RORA: variants seen among roughly 807,000 people sequenced by gnomAD.
RORA encodes nuclear receptor ROR-alpha.
RORA carries 7 observed loss-of-function variants against 69.5 expected under a neutral mutation model. The ratio of observed to expected loss-of-function variants is 0.10; its 90% CI spans 0.06 to 0.19. The LOEUF (loss-of-function observed/expected upper bound fraction) is 0.19. RORA is among the 10% of genes least tolerant of loss of function. The pLI is 1.00. For missense variants in RORA, 457 were observed against 663.0 expected (o/e 0.69, Z 3.41); for synonymous variants, 261 against 240.8 (o/e 1.08, Z -0.78).
chr15:60,936,098 A>T (rs913113459), intron 1 of RORA, among the ~76,000 whole-genome samples: 4 of 152,184 alleles, frequency 2.6e-5, no homozygotes, highest in Non-Finnish European at 5.9e-5. Context: ...CTGCATAGTA[A>T]CGAAACCATC....
chr15:61,019,529 T>C (rs1258581592), intron 1 of RORA, among the ~76,000 whole-genome samples: 1 of 152,154 alleles, frequency 6.6e-6, no homozygotes, highest in Non-Finnish European at 1.5e-5. Context: ...GTCTTCGTGC[T>C]AAATAGTTTG....
chr15:61,175,306 C>A (rs1055636396), intron 1 of RORA, among the ~76,000 whole-genome samples: 3 of 152,090 alleles, frequency 2.0e-5, no homozygotes, highest in African/African-American at 7.2e-5. Flanking sequence ...CCAGCCCAGT[C>A]CTCAATGAGC....
chr15:60,658,673 A>AT (rs1726126565), intron 2 of RORA, among the ~76,000 whole-genome samples: 1 of 152,220 alleles, frequency 6.6e-6, no homozygotes, highest in Non-Finnish European at 1.5e-5. Context: ...TATTTAATAA[A>AT]TGCCAACCCA....
intron 1 of RORA, among the ~76,000 whole-genome samples, chr15:60,830,073 G>A (rs2073021838): frequency 6.6e-6 from 1 of 152,194 alleles, no homozygotes; most frequent in Admixed American, 6.5e-5. Flanking sequence ...AAGGTGAGGA[G>A]TCATACCATT....
intron 1 of RORA, among the ~76,000 whole-genome samples, chr15:61,023,187 CA>C (rs35185635): frequency 0.098 from 7,347 of 74,992 alleles, 131 homozygotes; most frequent in East Asian, 0.22. Context: ...GACTCTGCCT[CA>C]AAAAAAAAAA....
rs1895022098 is a variant in RORA at position 61,009,439 on chromosome 15, G to C, written c.166+219614C>G. On this transcript the variant is annotated intron_variant, in intron 1 of 10. Coordinates refer to ENST00000335670, the MANE Select transcript of RORA (RefSeq NM_134261.3). The stretch of plus-strand genomic sequence containing the variant: ...GTTTAGCTTGGTGGAAATACACCAA[G>C]ATGAAAGATGTCCACCTTGATTCAT... 2.0e-5 allele frequency among the ~76,000 whole-genome samples: 3 copies of C among 152,350 alleles called. No individual in the cohort carries two copies. In the South Asian group the frequency reaches 6.2e-4, roughly 32 times the overall value.
intron 1 of RORA, among the ~76,000 whole-genome samples, chr15:60,836,337 A>T (rs1335042231): frequency 6.6e-6 from 1 of 152,158 alleles, no homozygotes; most frequent in Non-Finnish European, 1.5e-5. Flanking sequence ...ATTTTTTAAA[A>T]CTTGTACAAT....
At chr15:60,644,981 G>A (rs892297459) in intron 2 of RORA, among the ~76,000 whole-genome samples, 3 of 152,122 alleles carry the variant, frequency 2.0e-5, no homozygotes, top group South Asian at 4.1e-4. Context: ...GTACTATTTC[G>A]TTAACTGAGT....
At chr15:60,588,723 G>A (rs2068410421) in intron 2 of RORA, among the ~76,000 whole-genome samples, 2 of 152,166 alleles carry the variant, frequency 1.3e-5, no homozygotes, top group Admixed American at 6.5e-5. Flanking sequence ...AGGTTTAGAT[G>A]ACATACTGTA....
intron 2 of RORA, among the ~76,000 whole-genome samples, chr15:60,643,941 G>A (rs2069990349): frequency 6.6e-6 from 1 of 152,118 alleles, no homozygotes; most frequent in Non-Finnish European, 1.5e-5. Flanking sequence ...CGTGATGAGG[G>A]CTTCTCTGAG....
intron 1 of RORA, among the ~76,000 whole-genome samples, chr15:61,060,049 G>A (rs562320555): frequency 5.7e-4 from 85 of 148,696 alleles, no homozygotes; most frequent in Non-Finnish European, 1.1e-3. Flanking sequence ...AGAAGAAGAA[G>A]AAAGCCTTTC....
chr15:60,737,105 C>T (rs545950657), intron 1 of RORA, among the ~76,000 whole-genome samples: 1 of 152,296 alleles, frequency 6.6e-6, no homozygotes, highest in East Asian at 1.9e-4. Context: ...ACAACCATTT[C>T]ATAGCTGTGC....
intron 3 of RORA, among the ~76,000 whole-genome samples, chr15:60,525,866 G>A (rs114047420): frequency 0.012 from 1,813 of 152,242 alleles, 18 homozygotes; most frequent in African/African-American, 0.026. Flanking sequence ...TCAGAAGCAT[G>A]GGGGTGAGAA....
At chr15:60,587,226 CTT>C (rs2068361836) in intron 2 of RORA, among the ~76,000 whole-genome samples, 1 of 152,092 alleles carries the variant, frequency 6.6e-6, no homozygotes, top group Non-Finnish European at 1.5e-5. Context: ...AACAAGCAGA[CTT>C]AATGAAAATC....
intron 2 of RORA, among the ~76,000 whole-genome samples, chr15:60,671,644 C>T (rs2070474485): frequency 2.6e-5 from 4 of 151,886 alleles, no homozygotes; most frequent in Admixed American, 1.3e-4. Flanking sequence ...CAGACTCTCA[C>T]TCCATCACCC....
At chr15:61,014,443 G>A (rs749277949) in intron 1 of RORA, among the ~76,000 whole-genome samples, 1 of 152,194 alleles carries the variant, frequency 6.6e-6, no homozygotes, top group Non-Finnish European at 1.5e-5. Context: ...TTAGGCATAA[G>A]TATCCTACCT....
intron 1 of RORA, among the ~76,000 whole-genome samples, chr15:60,730,227 C>T (rs533942459): frequency 1.6e-4 from 24 of 152,280 alleles, no homozygotes; most frequent in East Asian, 5.8e-4. Context: ...TACAGGAAGA[C>T]GGCTTTCCTC....
Position 60,777,670 on chromosome 15 carries a change from C to T in RORA, c.167-98984G>A, listed in dbSNP as rs117577219. On this transcript the variant is annotated intron_variant, in intron 1 of 10. Transcript: ENST00000335670. ...TTCATTTTAACATCCTTATTCAGCA[C>T]GGTAGGCATTTACTCTAAGAGGTGA... is the stretch of plus-strand genomic sequence containing the variant. 5.9e-5 allele frequency among the ~76,000 whole-genome samples: 9 copies of T among 152,268 alleles called. No individual in the cohort carries two copies. In the East Asian group the frequency reaches 1.5e-3, roughly 26 times the overall value.
In RORA at chr15:60,602,581, G is replaced by C. The variant is rs895859277; in HGVS notation, c.197-70730C>G. Among the ~76,000 whole-genome samples, 35 of 152,216 alleles carry C rather than the reference G, an allele frequency of 2.3e-4. 1 individual carries two copies. Among genetic ancestry groups the C allele is most frequent in the Non-Finnish European group, 2.9e-5 (2 of 68,032 alleles). On this transcript the variant is annotated intron_variant, in intron 2 of 10. Transcript: ENST00000335670. Reference sequence around the variant, plus strand: ...AAAGAAAACATGTTTTATATGTTCAGAGAGATCGCTGCTCAGTTTGCAGTA... The same window carrying C: ...AAAGAAAACATGTTTTATATGTTCACAGAGATCGCTGCTCAGTTTGCAGTA...
Sources: allele counts gnomAD v4.1 joint callset (sites outside exome capture counted in the v4.1 genomes callset), GRCh38; gene constraint gnomAD v4.1.1; transcripts MANE v1.5; gene names NCBI Gene and HGNC (gene_info 2026-07-23, HGNC 2026-07-21).